Variants in CEACAM19 observed in about 807,000 individuals in gnomAD.
CEACAM19 encodes cell adhesion molecule CEACAM19.
A neutral mutation model predicts 37.6 loss-of-function variants in CEACAM19; 37 were observed. That is an observed-to-expected ratio of 0.98 (90% confidence interval 0.76 to 1.29). CEACAM19 has a LOEUF of 1.29. Ranked by LOEUF, CEACAM19 falls within the 50% of genes most tolerant of loss-of-function variation. CEACAM19 has a pLI of 0.00. For synonymous variants in CEACAM19, 140 were observed against 149.8 expected (o/e 0.93, Z 0.48); for missense variants, 340 against 375.6 (o/e 0.91, Z 0.78).
intron 4 of CEACAM19, among the ~76,000 whole-genome samples, chr19:44,679,359 C>T (rs1253661132): frequency 6.6e-5 from 10 of 152,156 alleles, no homozygotes; most frequent in African/African-American, 2.2e-4. Flanking sequence ...AATCCCAGCA[C>T]TTTGGGAGGC....
intron 3 of CEACAM19, chr19:44,678,433 C>G: frequency 6.5e-6 from 1 of 154,474 alleles, no homozygotes. Flanking sequence ...TCTTCTTCTT[C>G]TTGTTTTGCT....
At chr19:44,666,050 G>A (rs1180104037) in intron 1 of CEACAM19, 1 of 152,230 alleles carries the variant, frequency 6.6e-6, no homozygotes, top group Non-Finnish European at 1.5e-5. Context: ...CTAGACCTCT[G>A]TTACCAGCAG....
chr19:44,669,820 C>T (rs1207376510), upstream of CEACAM19, among the ~76,000 whole-genome samples: 1 of 152,166 alleles, frequency 6.6e-6, no homozygotes, highest in Non-Finnish European at 1.5e-5. Context: ...TCCCAGACTC[C>T]TGGGCTCCTC....
At chr19:44,681,069 T>C (rs1427073346) in intron 5 of CEACAM19, among the ~76,000 whole-genome samples, 158 bp from the exon 6 acceptor site, 1 of 151,998 alleles carries the variant, frequency 6.6e-6, no homozygotes, top group East Asian at 1.9e-4. Flanking sequence ...GGCCTGGGAC[T>C]GTCGTGGTCA....
chr19:44,672,132 A>C, intron 1 of CEACAM19, 146 bp downstream of exon 1: 3 of 683,470 alleles, frequency 4.4e-6, no homozygotes, highest in Non-Finnish European at 7.5e-6. Flanking sequence ...TCACAGCCTC[A>C]TTGCCATTTT....
chr19:44,668,594 TAC>T (rs1233063087), upstream of CEACAM19, among the ~76,000 whole-genome samples: 84 of 77,304 alleles, frequency 1.1e-3, no homozygotes, highest in East Asian at 5.7e-3. Context: ...TATAATTATA[TAC>T]ACATATTATA....
chr19:44,672,942 C>T lies in CEACAM19; in HGVS notation c.402C>T (p.Ala134=). The T allele has an allele frequency of 2.7e-6, 4 of 1,499,042 alleles. No homozygotes were observed. Among genetic ancestry groups the T allele is most frequent in the Non-Finnish European group, 3.6e-6 (4 of 1,118,864 alleles). The allele number at this position is 1,499,042 out of a possible 1,614,324, so 92.9% of individuals were successfully genotyped here. ...ITINSEWTMK[A]KTEVQVAEKN... is the part of the protein sequence containing the mutation. ...TCAACTCTGAATGGACTATGAAGGC[C>T]AAGACTGAGGTCCAGGTAGCTGGTA... The change falls in exon 2 of 8, where the codon GCC becomes GCT. Residue 134 remains alanine, a synonymous_variant. Coordinates refer to ENST00000358777, the MANE Select transcript of CEACAM19 (RefSeq NM_001127893.3).
At position 44,671,510 on chromosome 19, in the gene CEACAM19, A is replaced by T. The variant is rs1192301297; in HGVS notation, c.-422A>T. ...CCTCTTTTCCTGGGCCTCTGTTTCC[A>T]CATCTGTGCAATGGGAACAGTTATT... is the stretch of plus-strand genomic sequence containing the variant. On this transcript the variant is annotated 5_prime_UTR_variant, in exon 1 of 8. Transcript: ENST00000358777. The T allele has an allele frequency of 7.5e-6, 3 of 398,762 alleles. No homozygotes were observed. Among genetic ancestry groups the T allele is most frequent in the East Asian group, 7.1e-5 (2 of 28,172 alleles). The allele number at this position is 398,762 out of a possible 1,614,324, so 24.7% of individuals were successfully genotyped here.
Position 44,671,871 on chromosome 19 carries a change from ACCCCTCTGGC to A in CEACAM19, c.-55_-46del. ...GGCCTACTTCAGACAGCCAGGGCCC[ACCCCTCTGGC>A]CCCCTTAGTGTCCAGCTCGTGGCCC... On this transcript the variant is annotated 5_prime_UTR_variant, in exon 1 of 8. The change abolishes the stop of an existing upstream ORF in the 5' untranslated region. Coordinates refer to ENST00000358777, the MANE Select transcript of CEACAM19 (RefSeq NM_001127893.3). 6.7e-7 allele frequency: 1 copy of A among 1,486,030 alleles called. No individual in the cohort carries two copies. The highest frequency in any genetic ancestry group is 9.2e-7 in the Non-Finnish European group (1 of 1,083,794). 92.1% of individuals were successfully genotyped at this position (1,486,030 alleles called of 1,614,324 possible).
chr19:44,677,780 A>G (rs933833125), intron 3 of CEACAM19: 4 of 151,784 alleles, frequency 2.6e-5, no homozygotes, highest in African/African-American at 9.7e-5. Flanking sequence ...GACTCAAGCA[A>G]TTCTCGTGCC....
At chr19:44,667,584 TG>T (rs1367297374), upstream of CEACAM19, among the ~76,000 whole-genome samples, 2 of 108,586 alleles carry the variant, frequency 1.8e-5, no homozygotes, top group Non-Finnish European at 1.8e-5. Flanking sequence ...AAATTATATA[TG>T]TATATATTTT....
intron 2 of CEACAM19, among the ~76,000 whole-genome samples, chr19:44,674,778 T>C (rs911336807): frequency 6.6e-6 from 1 of 152,128 alleles, no homozygotes; most frequent in Non-Finnish European, 1.5e-5. Flanking sequence ...TAGGCAAAAG[T>C]CAACTCAACA....
chr19:44,668,688 ATATAT>A (rs1355280327), upstream of CEACAM19, among the ~76,000 whole-genome samples: 9 of 79,242 alleles, frequency 1.1e-4, 1 homozygote, highest in South Asian at 6.4e-4. Context: ...ATATATTATA[ATATAT>A]TATATATTAT....
upstream of CEACAM19, among the ~76,000 whole-genome samples, chr19:44,669,489 C>T (rs1204080764): frequency 6.6e-6 from 1 of 151,706 alleles, no homozygotes; most frequent in Non-Finnish European, 1.5e-5. Flanking sequence ...AACACTAGAC[C>T]CTCCATTATC....
At chr19:44,670,969 C>T (rs1475145724), upstream of CEACAM19, among the ~76,000 whole-genome samples, 2 of 151,866 alleles carry the variant, frequency 1.3e-5, no homozygotes, top group East Asian at 3.9e-4. Context: ...GTGGCGCATG[C>T]CTGCATTTCC....
In CEACAM19 at chr19:44,683,878, A is replaced by G. The variant is rs1011070113; in HGVS notation, c.*388A>G. Reference sequence around the variant, plus strand: ...CTGGGCTCCCAACTGTCTGTCCTCAATGCCCTACCCCAACTCCACTAGTGA... The same window carrying G: ...CTGGGCTCCCAACTGTCTGTCCTCAGTGCCCTACCCCAACTCCACTAGTGA... On this transcript the variant is annotated 3_prime_UTR_variant, in exon 8 of 8. Transcript: ENST00000358777. 4.8e-5 allele frequency: 9 copies of G among 186,738 alleles called. No homozygotes were observed. Among genetic ancestry groups the G allele is most frequent in the Non-Finnish European group, 8.8e-5 (8 of 90,906 alleles). The allele number at this position is 186,738 out of a possible 1,614,324, so 11.6% of individuals were successfully genotyped here.
In CEACAM19 at chr19:44,671,654, A is replaced by G. The variant is rs958018657; in HGVS notation, c.-278A>G. On this transcript the variant is annotated 5_prime_UTR_variant, in exon 1 of 8. Coordinates refer to ENST00000358777, the MANE Select transcript of CEACAM19 (RefSeq NM_001127893.3). ...TGTTGTAGTCACGCTGAGTGAGAAA[A>G]AGAGGTTGAAGAGGGTCAGGGGAGG... 1.1e-5 allele frequency: 5 copies of G among 467,404 alleles called. No individual in the cohort carries two copies. Among genetic ancestry groups the G allele is most frequent in the Non-Finnish European group, 1.9e-5 (5 of 263,080 alleles). The allele number at this position is 467,404 out of a possible 1,614,324, so 29.0% of individuals were successfully genotyped here.
upstream of CEACAM19, among the ~76,000 whole-genome samples, chr19:44,668,228 ATT>A (rs1308754309): frequency 2.3e-4 from 20 of 86,414 alleles, no homozygotes; most frequent in Admixed American, 2.2e-3. Context: ...ATATTTATAT[ATT>A]ATATTTATAT....
upstream of CEACAM19, among the ~76,000 whole-genome samples, chr19:44,667,803 A>AT (rs1302089803): frequency 2.8e-5 from 2 of 71,440 alleles, no homozygotes; most frequent in Non-Finnish European, 4.6e-5. Context: ...TAAATTATAT[A>AT]ATTTATATAT....
Sources: allele counts gnomAD v4.1 joint callset (sites outside exome capture counted in the v4.1 genomes callset), GRCh38; gene constraint gnomAD v4.1.1; transcripts MANE v1.5; gene names NCBI Gene and HGNC (gene_info 2026-07-23, HGNC 2026-07-21).